The following ZGRF1 variants were observed in gnomAD, a reference collection of about 807,000 sequenced individuals.
ZGRF1 encodes zinc finger GRF-type containing 1.
In ZGRF1, 196 loss-of-function variants were observed where a neutral mutation model predicts 203.5. The observed-to-expected ratio is 0.96, with a 90% CI of 0.86 to 1.08. The LOEUF (loss-of-function observed/expected upper bound fraction) is 1.08. Ranked by LOEUF, ZGRF1 falls within the 50% of genes least tolerant of loss-of-function variation. ZGRF1 has a pLI of 0.00. For synonymous variants in ZGRF1, 809 were observed against 841.3 expected (o/e 0.96, Z 0.66); for missense variants, 2,326 against 2,416.3 (o/e 0.96, Z 0.78).
chr4:112,565,029 T>C (rs1416858760), intron 16 of ZGRF1: 2 of 1,031,016 alleles, frequency 1.9e-6, no homozygotes, highest in African/African-American at 1.6e-5. Context: ...CAACCGGTGG[T>C]AAACCACCCA....
At position 112,619,460 on chromosome 4, in the gene ZGRF1, C is replaced by T. The variant is rs919164041; in HGVS notation, c.582G>A (p.Ser194=). Residue 194 remains serine (S), a synonymous_variant, in exon 6 of 28, where the codon TCG becomes TCA. Transcript: ENST00000505019. ...TAATCTGGAAGGATGGAGAAAAAAC[C>T]GAAGAAAAATCCATGGCATTTCTCT... is the stretch of plus-strand genomic sequence containing the variant. ...NRERNAMDFS[S]VFSPSFQINP... 28 of 1,611,412 alleles carry T rather than the reference C, an allele frequency of 1.7e-5. No individual in the cohort carries two copies. The highest frequency in any genetic ancestry group is 1.1e-4 in the East Asian group (5 of 44,828).
At position 112,609,413 on chromosome 4, in the gene ZGRF1, T is replaced by C. The variant is rs1479568951; in HGVS notation, c.2684A>G (p.Glu895Gly). 1 of 1,568,010 alleles carries C rather than the reference T, an allele frequency of 6.4e-7. No homozygotes were observed. Among genetic ancestry groups the C allele is most frequent in the East Asian group, 2.3e-5 (1 of 43,728 alleles). ...CTGAAGTGGTTCACTTAGTTCAACT[T>C]CATCTTCTTTTAGTATCTTAGGAAT... ...KDSQQILKED[E>G]VELSEPLQSV... Residue 895 changes from glutamate (E) to glycine (G), a missense_variant, in exon 8 of 28, where the codon GAA becomes GGA. Coordinates refer to ENST00000505019, the MANE Select transcript of ZGRF1 (RefSeq NM_018392.5).
Position 112,560,043 on chromosome 4 carries a change from C to T in ZGRF1, c.4960+690G>A, listed in dbSNP as rs116175797. Among the ~76,000 whole-genome samples, 1,253 of 152,222 alleles carry T rather than the reference C, an allele frequency of 8.2e-3. 17 individuals are homozygous for T. The highest frequency in any genetic ancestry group is 0.027 in the African/African-American group (1,125 of 41,532). On this transcript the variant is annotated intron_variant, in intron 19 of 27. Coordinates refer to ENST00000505019, the MANE Select transcript of ZGRF1 (RefSeq NM_018392.5). ...TAATCTTGAGAGAAAGAAAAATCTA[C>T]GATCACTCTCAGATTTGATTTGGTC...
chr4:112,554,800 A>G lies in ZGRF1; in HGVS notation c.5121-18T>C. ...TGAGAAGCCTTTAAATAAGAAAACA[A>G]TATAGATTCTGATTATTTAGGAAAC... is the stretch of plus-strand genomic sequence containing the variant. On this transcript the variant is annotated intron_variant, in intron 20 of 27. Transcript: ENST00000505019. 7.6e-7 allele frequency: 1 copy of G among 1,312,484 alleles called. No homozygotes were observed. The highest frequency in any genetic ancestry group is 1.3e-5 in the South Asian group (1 of 76,018). The allele number at this position is 1,312,484 out of a possible 1,614,324, so 81.3% of individuals were successfully genotyped here.
intron 1 of ZGRF1, among the ~76,000 whole-genome samples, chr4:112,633,873 T>C (rs1316216707): frequency 6.6e-6 from 1 of 152,190 alleles, no homozygotes; most frequent in Non-Finnish European, 1.5e-5. Context: ...GTTCTCAAGA[T>C]GTGACCCCTG....
At chr4:112,557,141 G>C (rs530277328) in intron 20 of ZGRF1, among the ~76,000 whole-genome samples, 1 of 151,114 alleles carries the variant, frequency 6.6e-6, no homozygotes. Context: ...TATAACTACT[G>C]ATTCTGGAAT....
intron 1 of ZGRF1, among the ~76,000 whole-genome samples, chr4:112,634,755 G>A (rs1027379739): frequency 3.3e-5 from 5 of 152,176 alleles, no homozygotes; most frequent in African/African-American, 4.8e-5. Flanking sequence ...TAGGTAAGGG[G>A]TATGCAAATG....
chr4:112,631,506 C>T (rs2047407705), intron 3 of ZGRF1, among the ~76,000 whole-genome samples: 1 of 151,912 alleles, frequency 6.6e-6, no homozygotes, highest in South Asian at 2.1e-4. Context: ...CCCGTCTCTA[C>T]TAAAAATACA....
intron 1 of ZGRF1, among the ~76,000 whole-genome samples, chr4:112,635,035 CAGG>C (rs1209946755): frequency 6.7e-6 from 1 of 149,820 alleles, no homozygotes; most frequent in Non-Finnish European, 1.5e-5. Context: ...GAGGCTGAGG[CAGG>C]AGAATTGCTT....
chr4:112,606,149 A>G, intron 8 of ZGRF1, 58 bp from the exon 9 acceptor site: 1 of 1,062,742 alleles, frequency 9.4e-7, no homozygotes, highest in Non-Finnish European at 1.4e-6. Context: ...CAGGTGATTC[A>G]TGATTTTGAT....
At chr4:112,564,021 C>T (rs1239851266) in intron 16 of ZGRF1, among the ~76,000 whole-genome samples, 1 of 152,062 alleles carries the variant, frequency 6.6e-6, no homozygotes, top group African/African-American at 2.4e-5. Flanking sequence ...GCAGTGGGAA[C>T]GGACGGCAGG....
chr4:112,593,276 T>C (rs914784575), intron 10 of ZGRF1, among the ~76,000 whole-genome samples: 1 of 152,148 alleles, frequency 6.6e-6, no homozygotes, highest in African/African-American at 2.4e-5. Context: ...ACATCCATGA[T>C]TCTACCTCCA....
chr4:112,541,225 G>T lies in ZGRF1; in HGVS notation c.5642C>A (p.Pro1881His), dbSNP rs749467832. The T allele has an allele frequency of 1.2e-6, 2 of 1,608,262 alleles. No homozygotes were observed. Among genetic ancestry groups the T allele is most frequent in the African/African-American group, 2.7e-5 (2 of 74,804 alleles). The part of the protein sequence containing the change: ...ILLRTQYRCH[P>H]AISAIANDLF... ...ATCATTAGCAATAGCACTGATTGCA[G>T]GATGACAACGGTATTGAGTTCTCAA... The change falls in exon 25 of 28, where the codon CCT (proline) becomes CAT (histidine). Residue 1881 changes from proline (P) to histidine (H), a missense_variant. By Grantham distance (77) the Pro-to-His change is moderately conservative. Transcript: ENST00000505019.
chr4:112,593,828 C>CAG (rs56312157), intron 10 of ZGRF1, among the ~76,000 whole-genome samples: 1 of 151,628 alleles, frequency 6.6e-6, no homozygotes, highest in Non-Finnish European at 1.5e-5. Flanking sequence ...GGCTGGAATG[C>CAG]TCACAGCTCA....
rs1171145929 is a variant in ZGRF1, at chr4:112,580,820, A to G, written c.4438+843T>C. 4.6e-5 allele frequency among the ~76,000 whole-genome samples: 7 copies of G among 152,236 alleles called. No homozygotes were observed. In the South Asian group the frequency reaches 1.2e-3, roughly 27 times the overall value. ...TGTGGAGAAATAGGAACACTTTTACACTGTTGGTGGGACTGTAAACTAGTT... is the reference window on the plus strand; with the variant it reads ...TGTGGAGAAATAGGAACACTTTTACGCTGTTGGTGGGACTGTAAACTAGTT... On this transcript the variant is annotated intron_variant, in intron 16 of 27. Transcript: ENST00000505019.
chr4:112,599,460 G>A (rs953690617), intron 10 of ZGRF1, among the ~76,000 whole-genome samples: 8 of 151,772 alleles, frequency 5.3e-5, no homozygotes, highest in Non-Finnish European at 1.2e-4. Flanking sequence ...TGTGGCTCAC[G>A]CCTACAGTCC....
At chr4:112,564,210 T>C (rs1006923269) in intron 16 of ZGRF1, among the ~76,000 whole-genome samples, 2 of 152,188 alleles carry the variant, frequency 1.3e-5, no homozygotes, top group African/African-American at 2.4e-5. Flanking sequence ...AATAGTAATA[T>C]ACTATTCCAT....
intron 3 of ZGRF1, chr4:112,628,764 T>G: frequency 2.3e-6 from 1 of 443,872 alleles, no homozygotes; most frequent in Non-Finnish European, 4.5e-6. Context: ...ATGACCATAA[T>G]AATTTGGAAC....
chr4:112,600,896 G>A (rs113519673), intron 10 of ZGRF1, among the ~76,000 whole-genome samples: 3 of 152,046 alleles, frequency 2.0e-5, no homozygotes, highest in African/African-American at 4.8e-5. Flanking sequence ...CCCAGAGATC[G>A]GGGCCTTCGC....
Sources: allele counts gnomAD v4.1 joint callset (sites outside exome capture counted in the v4.1 genomes callset), GRCh38; gene constraint gnomAD v4.1.1; transcripts MANE v1.5; gene names NCBI Gene and HGNC (gene_info 2026-07-23, HGNC 2026-07-21).